The following KCNH7 variants were observed in gnomAD, a reference collection of about 807,000 sequenced individuals.
KCNH7 encodes voltage-gated inwardly rectifying potassium channel KCNH7.
Under a neutral mutation model 120.8 loss-of-function variants are expected in KCNH7, and 49 were observed. The ratio of observed to expected loss-of-function variants is 0.41; its 90% CI spans 0.32 to 0.51. KCNH7 has a LOEUF of 0.51. Among genes scored for constraint, KCNH7 ranks in the 20% least tolerant of loss-of-function variants. The probability of loss-of-function intolerance (pLI) is 0.38; values close to 1 mark genes in which losing one functional copy is unlikely to be tolerated. For synonymous variants in KCNH7, 547 were observed against 516.1 expected (o/e 1.06, Z -0.81); for missense variants, 1,097 against 1,446.6 (o/e 0.76, Z 3.92).
intron 3 of KCNH7, among the ~76,000 whole-genome samples, chr2:162,525,864 A>G (rs1263886684): frequency 6.6e-6 from 1 of 151,806 alleles, no homozygotes; most frequent in Non-Finnish European, 1.5e-5. Flanking sequence ...TCCAAATGAT[A>G]CTCACATGGG....
chr2:162,681,461 C>T (rs1041065332), intron 2 of KCNH7, among the ~76,000 whole-genome samples: 5 of 151,634 alleles, frequency 3.3e-5, no homozygotes, highest in African/African-American at 9.7e-5. Context: ...AAGCCATATG[C>T]TTATGAACTA....
chr2:162,554,003 C>G (rs1692773679), intron 2 of KCNH7, among the ~76,000 whole-genome samples: 2 of 152,182 alleles, frequency 1.3e-5, no homozygotes, highest in African/African-American at 2.4e-5. Context: ...TCTTCTTTCA[C>G]TTTTCTGACA....
At chr2:162,470,424 C>T (rs1211557195) in intron 6 of KCNH7, among the ~76,000 whole-genome samples, 118 of 143,834 alleles carry the variant, frequency 8.2e-4, no homozygotes, top group African/African-American at 2.6e-3. Flanking sequence ...GGAGACCCTA[C>T]GCCCGGCAGC....
intron 6 of KCNH7, among the ~76,000 whole-genome samples, chr2:162,467,169 G>A (rs1689337006): frequency 6.6e-6 from 1 of 152,210 alleles, no homozygotes. Context: ...CTTTAGGAAA[G>A]AGTTCAGTCA....
intron 6 of KCNH7, among the ~76,000 whole-genome samples, chr2:162,491,528 T>C (rs775071292): frequency 1.3e-5 from 2 of 152,130 alleles, no homozygotes; most frequent in Non-Finnish European, 2.9e-5. Flanking sequence ...GTCATGCTAG[T>C]ATCTATGACA....
chr2:162,590,368 G>C (rs1694171855), intron 2 of KCNH7, among the ~76,000 whole-genome samples: 1 of 152,034 alleles, frequency 6.6e-6, no homozygotes, highest in Non-Finnish European at 1.5e-5. Flanking sequence ...GCTAGAGCAA[G>C]TATTTTAAAA....
Position 162,371,758 on chromosome 2 carries a change from A to T in KCNH7, c.*71T>A. 1.4e-6 allele frequency: 2 copies of T among 1,396,418 alleles called. No homozygotes were observed. Among genetic ancestry groups the T allele is most frequent in the East Asian group, 4.7e-5 (2 of 42,634 alleles). The allele number at this position is 1,396,418 out of a possible 1,614,324, so 86.5% of individuals were successfully genotyped here. On this transcript the variant is annotated 3_prime_UTR_variant, in exon 16 of 16. Coordinates refer to ENST00000332142, the MANE Select transcript of KCNH7 (RefSeq NM_033272.4). ...TGAGCCCCTGAGTCAAGTAGAGAGG[A>T]TTTAAATAGAAAAAGGAAAACAGCC...
chr2:162,762,424 A>G (rs1322470723), intron 2 of KCNH7, among the ~76,000 whole-genome samples: 3 of 151,936 alleles, frequency 2.0e-5, no homozygotes, highest in Non-Finnish European at 4.4e-5. Context: ...GGAGATGTGG[A>G]GAGAAGAATT....
intron 2 of KCNH7, among the ~76,000 whole-genome samples, chr2:162,752,959 A>AAAAGAAAAG (rs1559116355): frequency 1.5e-4 from 17 of 113,570 alleles, no homozygotes; most frequent in Non-Finnish European, 2.4e-4. Context: ...AAAAGAAAAG[A>AAAAGAAAAG]AAAGAAAAGA....
In KCNH7 at chr2:162,601,399, C is replaced by CTTTTT. The variant is rs60201823; in HGVS notation, c.308-64324_308-64320dup. On this transcript the variant is annotated intron_variant, in intron 2 of 15. Transcript: ENST00000332142. The stretch of plus-strand genomic sequence containing the variant: ...AAATTTTAAAAAAGTACTTCTTGTG[C>CTTTTT]TTTTTTTTTTTTTTTTTTTTTTTTT... Among the ~76,000 whole-genome samples, 35 of 9,592 alleles carry CTTTTT rather than the reference C, an allele frequency of 3.6e-3. 5 individuals are homozygous for CTTTTT. Among genetic ancestry groups the CTTTTT allele is most frequent in the East Asian group, 0.024 (9 of 382 alleles). The allele number at this position is 9,592 out of a possible 152,430, so 6.3% of individuals were successfully genotyped here.
intron 6 of KCNH7, among the ~76,000 whole-genome samples, chr2:162,467,877 A>T (rs1689359970): frequency 6.6e-6 from 1 of 152,170 alleles, no homozygotes; most frequent in African/African-American, 2.4e-5. Context: ...CTGATTTCTG[A>T]TTCACAGATG....
At chr2:162,699,501 C>T (rs1369249) in intron 2 of KCNH7, among the ~76,000 whole-genome samples, 5,505 of 152,214 alleles carry the variant, frequency 0.036, 346 homozygotes, top group African/African-American at 0.12. Flanking sequence ...ATAGCCTACA[C>T]TACTTAGTAA....
At chr2:162,584,863 A>G (rs1264404583) in intron 2 of KCNH7, among the ~76,000 whole-genome samples, 1 of 119,800 alleles carries the variant, frequency 8.3e-6, no homozygotes, top group Non-Finnish European at 1.7e-5. Context: ...TTTTTTTTTT[A>G]GCTCTGGGCA....
intron 2 of KCNH7, among the ~76,000 whole-genome samples, chr2:162,809,177 C>T (rs954040524): frequency 6.6e-6 from 1 of 152,084 alleles, no homozygotes; most frequent in East Asian, 1.9e-4. Context: ...AGAATTAAGA[C>T]ATTATTAAAC....
rs755000626 is a variant in KCNH7 at position 162,371,838 on chromosome 2, T to A, written c.3582A>T (p.Pro1194=). ...LHRHVSDPGL[P]GK ...AAATAGTACAAAATGATTATTTCCC[T>A]GGAAGACCAGGATCAGAAACATGCC... is the stretch of plus-strand genomic sequence containing the variant. The change falls in exon 16 of 16, where the codon CCA becomes CCT. Residue 1194 remains proline (P), a synonymous_variant. Coordinates refer to ENST00000332142, the MANE Select transcript of KCNH7 (RefSeq NM_033272.4). 1 of 1,608,158 alleles carries A rather than the reference T, an allele frequency of 6.2e-7. No homozygotes were observed. Among genetic ancestry groups the A allele is most frequent in the Admixed American group, 1.7e-5 (1 of 59,846 alleles).
intron 2 of KCNH7, among the ~76,000 whole-genome samples, chr2:162,698,404 T>G (rs957159361): frequency 1.5e-4 from 22 of 151,434 alleles, no homozygotes; most frequent in African/African-American, 5.1e-4. Flanking sequence ...TTTTTTTTGT[T>G]TTGTAGGATA....
At chr2:162,461,059 G>C (rs889557598) in intron 6 of KCNH7, among the ~76,000 whole-genome samples, 2 of 152,138 alleles carry the variant, frequency 1.3e-5, no homozygotes, top group African/African-American at 4.8e-5. Context: ...GAATTATGTA[G>C]AACTACCTTT....
chr2:162,638,077 T>C (rs1236223499), intron 2 of KCNH7, among the ~76,000 whole-genome samples: 6 of 152,072 alleles, frequency 3.9e-5, no homozygotes, highest in Admixed American at 3.9e-4. Context: ...GAGGATAAAG[T>C]TCTTGGCTAG....
At chr2:162,571,472 A>G (rs1240383634) in intron 2 of KCNH7, among the ~76,000 whole-genome samples, 5 of 144,876 alleles carry the variant, frequency 3.5e-5, no homozygotes, top group African/African-American at 1.3e-4. Flanking sequence ...CATACTGCCC[A>G]AGGTAATTTA....
Sources: gnomAD v4.1 joint callset for allele counts (sites outside exome capture counted in the v4.1 genomes callset) on GRCh38, gnomAD v4.1.1 for gene constraint, MANE v1.5 for transcripts, NCBI Gene and HGNC (gene_info 2026-07-23, HGNC 2026-07-21) for gene names.